AFAP1L1: variants seen among roughly 807,000 people sequenced by gnomAD.
AFAP1L1 encodes the protein actin filament associated protein 1 like 1.
In AFAP1L1, 77 loss-of-function variants were observed where a neutral mutation model predicts 99.8. The observed-to-expected ratio is 0.77, with a 90% confidence interval of 0.64 to 0.93. The LOEUF is 0.93. Among genes scored for constraint, AFAP1L1 ranks in the 40% least tolerant of loss-of-function variants. The pLI is 0.00. For missense variants in AFAP1L1, 893 were observed against 996.8 expected, an observed-to-expected ratio of 0.90 and a Z score of 1.40; for synonymous variants, 373 against 395.3, an observed-to-expected ratio of 0.94 and a Z score of 0.67.
At chr5:149,290,734 T>A (rs1169743148) in intron 1 of AFAP1L1, among the ~76,000 whole-genome samples, 1 of 152,178 alleles carries the variant, frequency 6.6e-6, no homozygotes. Context: ...TTTTTTTTTC[T>A]TTTTTTCAAG....
chr5:149,291,000 C>G (rs1363117711), intron 1 of AFAP1L1, among the ~76,000 whole-genome samples: 2 of 152,188 alleles, frequency 1.3e-5, no homozygotes. Flanking sequence ...AAAATCTTGC[C>G]ATGTGAAGTG....
intron 1 of AFAP1L1, among the ~76,000 whole-genome samples, chr5:149,288,665 A>G (rs1755756977): frequency 6.6e-6 from 1 of 152,190 alleles, no homozygotes; most frequent in Non-Finnish European, 1.5e-5. Flanking sequence ...GAATCCGCAG[A>G]CAAAGGAACA....
intron 8 of AFAP1L1, among the ~76,000 whole-genome samples, chr5:149,311,503 A>C (rs1018917883): frequency 7.2e-5 from 11 of 152,218 alleles, no homozygotes; most frequent in African/African-American, 2.7e-4. Context: ...CAGGGCTTAC[A>C]AGGCTGGTGG....
chr5:149,280,886 G>GTT (rs894408251), intron 1 of AFAP1L1, among the ~76,000 whole-genome samples: 1 of 152,120 alleles, frequency 6.6e-6, no homozygotes, highest in African/African-American at 2.4e-5. Flanking sequence ...AAATATCCCA[G>GTT]CACAGAGTGC....
At chr5:149,312,050 T>C in intron 8 of AFAP1L1, 62 bp from the exon 9 acceptor site, 1 of 1,484,440 alleles carries the variant, frequency 6.7e-7, no homozygotes. Context: ...ACAGTCCCCA[T>C]TCTTCCTTTG....
At chr5:149,279,813 C>T (rs1336794700) in intron 1 of AFAP1L1, among the ~76,000 whole-genome samples, 1 of 152,184 alleles carries the variant, frequency 6.6e-6, no homozygotes, top group Non-Finnish European at 1.5e-5. Flanking sequence ...CCTGGTTCAC[C>T]CTTGCTCTTC....
intron 14 of AFAP1L1, among the ~76,000 whole-genome samples, chr5:149,322,034 A>G (rs943860010): frequency 5.3e-5 from 8 of 152,250 alleles, no homozygotes; most frequent in Non-Finnish European, 8.8e-5. Flanking sequence ...TAGACATTGG[A>G]AGGTCCTATA....
In AFAP1L1 at chr5:149,320,556, C is replaced by A; in HGVS notation, c.1698+93C>A. ...CCTTTACCTTCTGCCTCAGAAAGAT[C>A]ATTTTCATTTAAGCAGCAGTAGCTA... On this transcript the variant is annotated intron_variant, in intron 14 of 18. Coordinates refer to ENST00000296721, the MANE Select transcript of AFAP1L1 (RefSeq NM_152406.4). This position sits in a 1 kb window ranked among gnomAD's most constrained non-coding sequence, Gnocchi z 4.0. The A allele has an allele frequency of 8.4e-7, 1 of 1,196,970 alleles. No individual in the cohort carries two copies. Among genetic ancestry groups the A allele is most frequent in the Non-Finnish European group, 1.2e-6 (1 of 818,046 alleles). The allele number at this position is 1,196,970 out of a possible 1,614,324, so 74.1% of individuals were successfully genotyped here.
intron 16 of AFAP1L1, among the ~76,000 whole-genome samples, chr5:149,330,340 TTCTC>T (rs1757219658): frequency 6.6e-6 from 1 of 152,210 alleles, no homozygotes; most frequent in Non-Finnish European, 1.5e-5. Context: ...TTCCTTTGCA[TTCTC>T]TCTAACTGTA....
chr5:149,297,887 G>T (rs938998059), intron 1 of AFAP1L1, among the ~76,000 whole-genome samples: 1 of 152,244 alleles, frequency 6.6e-6, no homozygotes, highest in African/African-American at 2.4e-5. Flanking sequence ...TTCAGTGACA[G>T]CAAGAATAGC....
chr5:149,335,771 T>C (rs753912888), intron 18 of AFAP1L1, 49 bp downstream of exon 18: 23 of 1,593,842 alleles, frequency 1.4e-5, no homozygotes, highest in East Asian at 1.1e-4. Context: ...GGTAGCCCCC[T>C]TTCTATGGAA....
At chr5:149,273,847 G>A (rs1341494538) in intron 1 of AFAP1L1, among the ~76,000 whole-genome samples, 1 of 143,856 alleles carries the variant, frequency 7.0e-6, no homozygotes, top group Non-Finnish European at 1.5e-5. Flanking sequence ...ATACCAACCT[G>A]TCTGATCTCC....
chr5:149,334,102 A>G (rs1455612518), intron 17 of AFAP1L1, among the ~76,000 whole-genome samples: 1 of 152,222 alleles, frequency 6.6e-6, no homozygotes, highest in Non-Finnish European at 1.5e-5. Context: ...GGGTGAGGAA[A>G]TTGAGACTCA....
intron 17 of AFAP1L1, among the ~76,000 whole-genome samples, chr5:149,334,583 C>CA (rs938703453): frequency 2.0e-5 from 3 of 152,090 alleles, no homozygotes; most frequent in African/African-American, 7.2e-5. Flanking sequence ...AAGTTAATTT[C>CA]AAAAATGAGA....
intron 16 of AFAP1L1, among the ~76,000 whole-genome samples, chr5:149,332,477 G>A (rs1321744302): frequency 4.6e-5 from 7 of 152,198 alleles, no homozygotes; most frequent in Admixed American, 4.6e-4. Flanking sequence ...TGGTGAAATA[G>A]GAACCAGACA....
chr5:149,277,299 G>C (rs1465688057), intron 1 of AFAP1L1, among the ~76,000 whole-genome samples: 1 of 152,208 alleles, frequency 6.6e-6, no homozygotes, highest in East Asian at 1.9e-4. Context: ...ATAATCTGAT[G>C]CTCTTCTTTT....
rs372818421 is a variant in AFAP1L1 at position 149,310,801 on chromosome 5, G to A, written c.927+666G>A. On this transcript the variant is annotated intron_variant, in intron 8 of 18. Transcript: ENST00000296721. Reference sequence around the variant, plus strand: ...AGCTAAGTAGTAAATCTACTCCAAAGGCCATAGGCAGGATGACATAGTGAT... The same window carrying A: ...AGCTAAGTAGTAAATCTACTCCAAAAGCCATAGGCAGGATGACATAGTGAT... 1.2e-4 allele frequency among the ~76,000 whole-genome samples: 18 copies of A among 152,308 alleles called. 1 individual carries two copies. The highest frequency in any genetic ancestry group is 4.1e-4 in the African/African-American group (17 of 41,564).
At chr5:149,323,806 A>T (rs190755912) in intron 15 of AFAP1L1, among the ~76,000 whole-genome samples, 1 of 152,326 alleles carries the variant, frequency 6.6e-6, no homozygotes, top group East Asian at 1.9e-4. Flanking sequence ...CTACTCTCAG[A>T]GGCACTGGAA....
intron 2 of AFAP1L1, 118 bp downstream of exon 2, chr5:149,299,755 C>T (rs992690861): frequency 1.2e-5 from 17 of 1,439,628 alleles, no homozygotes; most frequent in South Asian, 4.0e-5. Context: ...CAGGGGCTGC[C>T]GCAGGAGGAA....
Sources: allele counts gnomAD v4.1 joint callset (sites outside exome capture counted in the v4.1 genomes callset), GRCh38; gene constraint gnomAD v4.1.1; non-coding constraint Gnocchi (gnomAD v3.1); transcripts MANE v1.5; gene names NCBI Gene and HGNC (gene_info 2026-07-23, HGNC 2026-07-21).